The following DHX29 variants were observed in gnomAD, a reference collection of about 807,000 sequenced individuals.
DHX29 encodes the protein DExH-box helicase 29, also known as ATP-dependent RNA helicase DHX29.
In DHX29, 79 loss-of-function variants were observed where a neutral mutation model predicts 167.9. The observed-to-expected ratio is 0.47, with a 90% CI of 0.39 to 0.57. DHX29 has a LOEUF of 0.57. Among genes scored for constraint, DHX29 ranks in the 20% least tolerant of loss-of-function variants. The pLI is 0.00. For missense variants in DHX29, 1,347 were observed against 1,593.4 expected (o/e 0.85, Z 2.63); for synonymous variants, 530 against 546.0 (o/e 0.97, Z 0.41).
At chr5:55,259,628 G>A (rs971000650) in intron 26 of DHX29, among the ~76,000 whole-genome samples, 1 of 152,030 alleles carries the variant, frequency 6.6e-6, no homozygotes, top group Non-Finnish European at 1.5e-5. Context: ...AGCTAATTTT[G>A]TATTTTTAGT....
chr5:55,256,633 A>ATT (rs1219790049), intron 26 of DHX29, 93 bp from the exon 27 acceptor site: 1 of 1,145,406 alleles, frequency 8.7e-7, no homozygotes, highest in African/African-American at 1.6e-5. Flanking sequence ...TATGTCACTA[A>ATT]AAATTTTTAC....
rs112830029 is a variant in DHX29, at chr5:55,275,132, C to G, written c.2428-122G>C. 1.9e-4 allele frequency: 216 copies of G among 1,161,662 alleles called. No homozygotes were observed. The African/African-American group carries it at 2.9e-3, about 16-fold the overall frequency. The allele number at this position is 1,161,662 out of a possible 1,614,324, so 72.0% of individuals were successfully genotyped here. Reference sequence around the variant, plus strand: ...TATATTTTTCTCATTGTCACCATTACTATTTTGTTAAAATACAGGAAGCGT... The same window carrying G: ...TATATTTTTCTCATTGTCACCATTAGTATTTTGTTAAAATACAGGAAGCGT... On this transcript the variant is annotated intron_variant, in intron 14 of 26. Coordinates refer to ENST00000251636, the MANE Select transcript of DHX29 (RefSeq NM_019030.4).
chr5:55,282,438 C>A (rs1249217218), intron 11 of DHX29, among the ~76,000 whole-genome samples: 2 of 152,136 alleles, frequency 1.3e-5, no homozygotes, highest in Non-Finnish European at 2.9e-5. Flanking sequence ...ACAGCAGAAA[C>A]CGTGCCTTTT....
At chr5:55,284,904 C>T (rs1178441322) in intron 10 of DHX29, among the ~76,000 whole-genome samples, 6 of 152,188 alleles carry the variant, frequency 3.9e-5, no homozygotes, top group Non-Finnish European at 5.9e-5. Context: ...TGTGGTGGCA[C>T]ATGCCTGTAG....
intron 6 of DHX29, among the ~76,000 whole-genome samples, chr5:55,292,194 G>GT (rs981566721): frequency 4.6e-5 from 7 of 151,988 alleles, no homozygotes; most frequent in South Asian, 2.1e-4. Context: ...ATTATTTCCA[G>GT]TTTTTTTTGA....
intron 11 of DHX29, among the ~76,000 whole-genome samples, chr5:55,282,087 C>T (rs1042834896): frequency 6.6e-6 from 1 of 152,070 alleles, no homozygotes; most frequent in African/African-American, 2.4e-5. Flanking sequence ...CACCCAGCCC[C>T]AAAATTTTTG....
chr5:55,267,690 G>C lies in DHX29; in HGVS notation c.3427C>G (p.Leu1143Val), dbSNP rs1189245632. 6.3e-7 allele frequency: 1 copy of C among 1,598,906 alleles called. No individual in the cohort carries two copies. The highest frequency in any genetic ancestry group is 2.3e-5 in the East Asian group (1 of 44,322). The change falls in exon 22 of 27, where the codon CTA becomes GTA. Residue 1143 changes from leucine (L) to valine (V), a missense_variant. Physicochemically the swap from Leu to Val is conservative, Grantham distance 32. Around this residue, in one of 3 missense-constraint regions of DHX29, gnomAD observed 882 missense variants for 1,082.4 expected, o/e 0.81. Coordinates refer to ENST00000251636, the MANE Select transcript of DHX29 (RefSeq NM_019030.4). Reference protein sequence around the residue: ...SDHLTIYNAYLGWKKARQEGG... With the variant: ...SDHLTIYNAYVGWKKARQEGG... ...ACAGCCAGATTATGTTTTTACCCTA[G>C]ATATGCATTGTAGATCGTCAGGTGG...
At chr5:55,275,302 T>C (rs144849253) in intron 14 of DHX29, among the ~76,000 whole-genome samples, 1 of 152,210 alleles carries the variant, frequency 6.6e-6, no homozygotes, top group African/African-American at 2.4e-5. Context: ...TGTAATCATG[T>C]ATGCATCATT....
intron 23 of DHX29, 23 bp from the exon 24 acceptor site, chr5:55,262,955 C>T (rs1174000807): frequency 1.3e-6 from 2 of 1,530,996 alleles, no homozygotes; most frequent in African/African-American, 2.8e-5. Flanking sequence ...ATGTTAAAAA[C>T]ACAAATAATC....
At chr5:55,270,919 A>T (rs1746824434) in intron 18 of DHX29, among the ~76,000 whole-genome samples, 1 of 152,364 alleles carries the variant, frequency 6.6e-6, no homozygotes, top group East Asian at 1.9e-4. Flanking sequence ...AAAAGAAAAA[A>T]ATTATTTAAC....
chr5:55,272,303 T>A, intron 17 of DHX29, 128 bp from the exon 18 acceptor site: 1 of 643,164 alleles, frequency 1.6e-6, no homozygotes, highest in Non-Finnish European at 2.7e-6. Flanking sequence ...AAATTTACAA[T>A]CTATTTGCTA....
At chr5:55,285,255 T>G (rs1747657871) in intron 10 of DHX29, 38 bp downstream of exon 10, 4 of 1,598,502 alleles carry the variant, frequency 2.5e-6, no homozygotes, top group Middle Eastern at 1.7e-4. Context: ...AAATACTGCC[T>G]TCCACATACA....
intron 1 of DHX29, among the ~76,000 whole-genome samples, chr5:55,299,825 G>GGGC (rs1748512179): frequency 6.6e-6 from 1 of 152,048 alleles, no homozygotes; most frequent in Non-Finnish European, 1.5e-5. Context: ...AATATTTGGG[G>GGGC]GGACACTACT....
chr5:55,306,495 T>C (rs1208316323), intron 1 of DHX29, among the ~76,000 whole-genome samples: 1 of 152,038 alleles, frequency 6.6e-6, no homozygotes, highest in Non-Finnish European at 1.5e-5. Flanking sequence ...CTTTTCTTTG[T>C]GGCACTTATC....
At chr5:55,292,809 T>C (rs935033102) in intron 6 of DHX29, among the ~76,000 whole-genome samples, 1 of 152,172 alleles carries the variant, frequency 6.6e-6, no homozygotes, top group Non-Finnish European at 1.5e-5. Context: ...CCCATCTTTC[T>C]TTGCCTGTCT....
intron 1 of DHX29, among the ~76,000 whole-genome samples, chr5:55,302,887 A>C (rs546121653): frequency 6.6e-6 from 1 of 152,318 alleles, no homozygotes; most frequent in East Asian, 1.9e-4. Flanking sequence ...GGAGACTTTT[A>C]CAATTTTTGG....
intron 23 of DHX29, among the ~76,000 whole-genome samples, chr5:55,263,680 A>C (rs999832008): frequency 6.6e-6 from 1 of 151,262 alleles, no homozygotes; most frequent in Non-Finnish European, 1.5e-5. Flanking sequence ...GGCTCACAGA[A>C]GAAGGGGTGG....
rs527263529 is a variant in DHX29 at position 55,305,697 on chromosome 5, G to A, written c.187+1690C>T. Among the ~76,000 whole-genome samples, 68 of 152,312 alleles carry A rather than the reference G, an allele frequency of 4.5e-4. 1 individual carries two copies. The highest frequency in any genetic ancestry group is 2.5e-3 in the South Asian group (12 of 4,828). Reference sequence around the variant, plus strand: ...GATGTGAACTACACAAATGCAAAGTGAAATATGGAAAAACAGAAACAAGGA... The same window carrying A: ...GATGTGAACTACACAAATGCAAAGTAAAATATGGAAAAACAGAAACAAGGA... On this transcript the variant is annotated intron_variant, in intron 1 of 26. Transcript: ENST00000251636.
rs1473124723 is a variant in DHX29, at chr5:55,307,677, C to T, written c.-104G>A. 40 of 1,455,018 alleles carry T rather than the reference C, an allele frequency of 2.7e-5. No homozygotes were observed. In the East Asian group the frequency reaches 8.4e-4, roughly 31 times the overall value. 90.1% of individuals were successfully genotyped at this position (1,455,018 alleles called of 1,614,324 possible). A position where few individuals can be genotyped will look rare whatever the true frequency, so the allele number is the denominator to read the frequency against. Reference sequence around the variant, plus strand: ...CCGGCTCCGGGGCTGCCACCCTGCGCTTCGATCCGGGCTTCTCGGGCCGGG... The same window carrying T: ...CCGGCTCCGGGGCTGCCACCCTGCGTTTCGATCCGGGCTTCTCGGGCCGGG... On this transcript the variant is annotated 5_prime_UTR_variant, in exon 1 of 27. Transcript: ENST00000251636.
Sources: gnomAD v4.1 joint callset for allele counts (sites outside exome capture counted in the v4.1 genomes callset) on GRCh38, gnomAD v4.1.1 for gene constraint, gnomAD v4.1.1 regional missense constraint, MANE v1.5 for transcripts, NCBI Gene and HGNC (gene_info 2026-07-23, HGNC 2026-07-21) for gene names.